Variants in SCN9A observed in about 807,000 individuals in gnomAD.
The protein encoded by SCN9A is sodium channel protein type 9 subunit alpha.
Under a neutral mutation model 187.0 loss-of-function variants are expected in SCN9A, and 131 were observed. The observed-to-expected ratio is 0.70, with a 90% CI of 0.61 to 0.81. The LOEUF is 0.81. Among genes scored for constraint, SCN9A ranks in the 30% least tolerant of loss-of-function variants. The pLI is 0.00. For missense variants in SCN9A, 2,252 were observed against 2,396.6 expected (o/e 0.94, Z 1.26); for synonymous variants, 809 against 808.6 (o/e 1.00, Z -0.01).
chr2:166,242,706 A>C (rs201896203), intron 18 of SCN9A, 50 bp from the exon 19 acceptor site: 5 of 1,395,138 alleles, frequency 3.6e-6, no homozygotes, highest in South Asian at 1.4e-5. Context: ...AATAAATAAA[A>C]TTTTTAATAC....
intron 3 of SCN9A, 97 bp downstream of exon 3, chr2:166,306,859 C>T: frequency 2.9e-6 from 2 of 696,994 alleles, no homozygotes; most frequent in East Asian, 2.7e-5. Flanking sequence ...AAACCAGAGT[C>T]TTTCAAGGTG....
intron 1 of SCN9A, among the ~76,000 whole-genome samples, chr2:166,349,344 A>G (rs986930539): frequency 6.6e-6 from 1 of 152,170 alleles, no homozygotes; most frequent in Non-Finnish European, 1.5e-5. Flanking sequence ...AGTGAGAAAG[A>G]GTTCAAAATG....
chr2:166,374,851 C>T (rs1041157934), intron 1 of SCN9A, among the ~76,000 whole-genome samples: 1 of 151,666 alleles, frequency 6.6e-6, no homozygotes. Flanking sequence ...TCTTAAAAAC[C>T]CCCCTAAGTT....
rs796174824 is a variant in SCN9A, at chr2:166,285,879, G to A, written c.1602+457C>T. On this transcript the variant is annotated intron_variant, in intron 11 of 26. Coordinates refer to ENST00000642356, the MANE Select transcript of SCN9A (RefSeq NM_001365536.1). ...CTACATATTAGTAGTTGATGTGGTTGGGGGTGGAGGATATCAAAGGCTTCT... is the reference window on the plus strand; with the variant it reads ...CTACATATTAGTAGTTGATGTGGTTAGGGGTGGAGGATATCAAAGGCTTCT... 3.9e-4 allele frequency among the ~76,000 whole-genome samples: 60 copies of A among 152,224 alleles called. 1 individual carries two copies. Among genetic ancestry groups the A allele is most frequent in the African/African-American group, 1.3e-3 (54 of 41,554 alleles).
At chr2:166,232,000 G>A (rs1428498396) in intron 21 of SCN9A, among the ~76,000 whole-genome samples, 1 of 152,134 alleles carries the variant, frequency 6.6e-6, no homozygotes, top group African/African-American at 2.4e-5. Flanking sequence ...TATGTCTCCT[G>A]GTGGACGGAC....
chr2:166,227,704 G>A lies in SCN9A; in HGVS notation c.4226C>T (p.Thr1409Met), dbSNP rs200763228. The change falls in exon 23 of 27, where the codon ACG becomes ATG. Residue 1409 changes from threonine to methionine, a missense_variant. Coordinates refer to ENST00000642356, the MANE Select transcript of SCN9A (RefSeq NM_001365536.1). ...LLQVATFKGW[T>M]IIMYAAVDSV... Reference sequence around the variant, plus strand: ...ATCCACTGCTGCATACATAATAATCGTCCATCCCTTAAAAGTTGCCTTTAA... The same window carrying A: ...ATCCACTGCTGCATACATAATAATCATCCATCCCTTAAAAGTTGCCTTTAA... 2.6e-5 allele frequency: 40 copies of A among 1,518,276 alleles called. No homozygotes were observed. Among genetic ancestry groups the A allele is most frequent in the African/African-American group, 2.6e-4 (19 of 72,732 alleles). 94.1% of individuals were successfully genotyped at this position (1,518,276 alleles called of 1,614,324 possible). A position where few individuals can be genotyped will look rare whatever the true frequency, so the allele number is the denominator to read the frequency against.
chr2:166,238,965 G>T (rs556732446), intron 19 of SCN9A, among the ~76,000 whole-genome samples: 2 of 152,250 alleles, frequency 1.3e-5, no homozygotes, highest in South Asian at 4.1e-4. Flanking sequence ...ACAACATTAG[G>T]TGAGCTCTAT....
At chr2:166,207,105 A>T (rs187705266) in intron 24 of SCN9A, among the ~76,000 whole-genome samples, 1 of 152,340 alleles carries the variant, frequency 6.6e-6, no homozygotes, top group African/African-American at 2.4e-5. Flanking sequence ...TGTAAGTTTT[A>T]CAGATTTATG....
chr2:166,241,923 C>T (rs1695582152), intron 19 of SCN9A, among the ~76,000 whole-genome samples: 1 of 152,138 alleles, frequency 6.6e-6, no homozygotes, highest in South Asian at 2.1e-4. Flanking sequence ...GAAAAGCTCT[C>T]AGGGTACAAA....
At chr2:166,260,638 T>C (rs1696467637) in intron 17 of SCN9A, among the ~76,000 whole-genome samples, 1 of 151,858 alleles carries the variant, frequency 6.6e-6, no homozygotes, top group Admixed American at 6.6e-5. Context: ...ATGAAGTTTT[T>C]AGTGTGGTTT....
At chr2:166,247,461 G>T (rs565296075) in intron 18 of SCN9A, among the ~76,000 whole-genome samples, 1 of 152,074 alleles carries the variant, frequency 6.6e-6, no homozygotes, top group Non-Finnish European at 1.5e-5. Context: ...AAAACATTTT[G>T]AAAGGAAGAT....
chr2:166,322,102 T>C (rs1699260007), intron 1 of SCN9A, among the ~76,000 whole-genome samples: 1 of 152,212 alleles, frequency 6.6e-6, no homozygotes, highest in African/African-American at 2.4e-5. Flanking sequence ...AGAAATAGAT[T>C]TATTTTATCA....
At chr2:166,355,570 CT>C (rs968754541) in intron 1 of SCN9A, among the ~76,000 whole-genome samples, 16 of 147,176 alleles carry the variant, frequency 1.1e-4, no homozygotes, top group Admixed American at 2.0e-4. Context: ...ACAAAAATTT[CT>C]TTTTTTTTTC....
intron 24 of SCN9A, 91 bp downstream of exon 24, chr2:166,226,476 G>T (rs980083200): frequency 2.3e-6 from 2 of 860,110 alleles, no homozygotes; most frequent in Non-Finnish European, 3.5e-6. Context: ...AATTAATCAT[G>T]AATTGATATC....
At chr2:166,364,249 G>T (rs752008244) in intron 1 of SCN9A, among the ~76,000 whole-genome samples, 3 of 151,714 alleles carry the variant, frequency 2.0e-5, no homozygotes, top group Non-Finnish European at 1.5e-5. Context: ...AAATAGTGCA[G>T]CTGCTGTGGA....
intron 7 of SCN9A, among the ~76,000 whole-genome samples, chr2:166,300,027 A>G (rs1365683725): frequency 6.6e-6 from 1 of 150,796 alleles, no homozygotes; most frequent in African/African-American, 2.5e-5. Flanking sequence ...ATCACTCTAG[A>G]TGAAACCTTT....
Position 166,204,099 on chromosome 2 carries a change from T to G in SCN9A, c.4630A>C (p.Thr1544Pro), listed in dbSNP as rs1228583442. Reference sequence around the variant, plus strand: ...ACATTTATCCAATATAAAACTTCAGTCATATGTTGACTTTGACCCTCCTTT... The same window carrying G: ...ACATTTATCCAATATAAAACTTCAGGCATATGTTGACTTTGACCCTCCTTT... ...VEKEGQSQHM[T>P]EVLYWINVVF... The change falls in exon 26 of 27, where the codon ACT (threonine) becomes CCT (proline). Residue 1544 changes from threonine to proline, a missense_variant. By Grantham distance (38) the Thr-to-Pro change is conservative. Coordinates refer to ENST00000642356, the MANE Select transcript of SCN9A (RefSeq NM_001365536.1). 5.0e-6 allele frequency: 8 copies of G among 1,612,738 alleles called. No individual in the cohort carries two copies. The highest frequency in any genetic ancestry group is 5.9e-6 in the Non-Finnish European group (7 of 1,179,206).
intron 17 of SCN9A, among the ~76,000 whole-genome samples, chr2:166,258,799 A>G (rs1696386708): frequency 1.3e-5 from 2 of 151,690 alleles, no homozygotes; most frequent in African/African-American, 4.8e-5. Context: ...AATTTTTTAG[A>G]GTTTTGATCT....
intron 23 of SCN9A, among the ~76,000 whole-genome samples, chr2:166,227,177 C>T (rs1694875784): frequency 6.6e-6 from 1 of 152,064 alleles, no homozygotes; most frequent in Non-Finnish European, 1.5e-5. Flanking sequence ...GAACTTATTT[C>T]ACATAAACTC....
Sources: allele counts gnomAD v4.1 joint callset (sites outside exome capture counted in the v4.1 genomes callset), GRCh38; gene constraint gnomAD v4.1.1; transcripts MANE v1.5; gene names NCBI Gene and HGNC (gene_info 2026-07-23, HGNC 2026-07-21).